Variants in LRP5 observed in about 807,000 individuals in gnomAD.
LRP5 encodes low-density lipoprotein receptor-related protein 5.
Under a neutral mutation model 154.1 loss-of-function variants are expected in LRP5, and 62 were observed. The observed-to-expected ratio is 0.40, with a 90% CI of 0.33 to 0.50. LRP5 has a LOEUF of 0.50. LRP5 is among the 20% of genes least tolerant of loss of function. The pLI is 0.55. For missense variants in LRP5, 1,915 were observed against 2,336.7 expected (o/e 0.82, Z 3.72); for synonymous variants, 966 against 1,011.5 (o/e 0.96, Z 0.85).
chr11:68,365,786 G>C (rs2098630743), intron 5 of LRP5, 84 bp downstream of exon 5: 1 of 1,369,058 alleles, frequency 7.3e-7, no homozygotes, highest in African/African-American at 1.4e-5. Flanking sequence ...TGCCCCAGAA[G>C]GAACCTCGGC....
chr11:68,309,417 A>G (rs1425081785), upstream of LRP5, among the ~76,000 whole-genome samples: 1 of 147,046 alleles, frequency 6.8e-6, no homozygotes, highest in African/African-American at 2.5e-5. Context: ...TATTTTTAGT[A>G]GAAACGGGGG....
chr11:68,346,947 G>A (rs1388222899), intron 1 of LRP5, among the ~76,000 whole-genome samples: 1 of 152,212 alleles, frequency 6.6e-6, no homozygotes, highest in African/African-American at 2.4e-5. Flanking sequence ...ATTTCTCATT[G>A]AGCCCGTTGT....
intron 5 of LRP5, among the ~76,000 whole-genome samples, chr11:68,366,725 A>G (rs554031762): frequency 6.6e-6 from 1 of 151,940 alleles, no homozygotes; most frequent in East Asian, 1.9e-4. Flanking sequence ...GCTGCAGGGG[A>G]TGGTTGGAGA....
intron 12 of LRP5, among the ~76,000 whole-genome samples, chr11:68,414,941 T>TAA (rs979404640): frequency 3.9e-5 from 6 of 152,176 alleles, no homozygotes; most frequent in Non-Finnish European, 8.8e-5. Context: ...GCCATGACCT[T>TAA]AGAGAGCCAA....
At chr11:68,330,157 GAGAT>G (rs2098601928) in intron 1 of LRP5, among the ~76,000 whole-genome samples, 1 of 152,202 alleles carries the variant, frequency 6.6e-6, no homozygotes, top group African/African-American at 2.4e-5. Context: ...GTTTGTGAGA[GAGAT>G]ACATGCCTTC....
At chr11:68,320,552 C>T (rs1369664913) in intron 1 of LRP5, among the ~76,000 whole-genome samples, 1 of 151,552 alleles carries the variant, frequency 6.6e-6, no homozygotes, top group Non-Finnish European at 1.5e-5. Flanking sequence ...ACCTCTGCCT[C>T]CCGGGTTCCA....
intron 2 of LRP5, among the ~76,000 whole-genome samples, chr11:68,354,239 G>C (rs1350970736): frequency 6.6e-6 from 1 of 152,224 alleles, no homozygotes; most frequent in Non-Finnish European, 1.5e-5. Flanking sequence ...AATTTGGCTG[G>C]GCTTGTGGTA....
intron 1 of LRP5, among the ~76,000 whole-genome samples, chr11:68,313,017 C>A (rs1417758369): frequency 2.7e-5 from 4 of 147,950 alleles, no homozygotes; most frequent in African/African-American, 9.8e-5. Flanking sequence ...TCCCCGGGGA[C>A]GCTGCGTCCC....
At chr11:68,439,486 T>C (rs897433365) in intron 20 of LRP5, among the ~76,000 whole-genome samples, 1 of 152,150 alleles carries the variant, frequency 6.6e-6, no homozygotes, top group Admixed American at 6.5e-5. Context: ...AACGCGGCCC[T>C]GTCTGTTCCT....
intron 13 of LRP5, among the ~76,000 whole-genome samples, chr11:68,421,686 C>CTGTGTGTCTGTGTG (rs2098665692): frequency 2.2e-5 from 3 of 133,406 alleles, no homozygotes; most frequent in Admixed American, 1.5e-4. Flanking sequence ...CCCAGCAAGG[C>CTGTGTGTCTGTGTG]TGTGTGTGTG....
At position 68,411,507 on chromosome 11, in the gene LRP5, T is replaced by A. The variant is rs763236037; in HGVS notation, c.2390T>A (p.Met797Lys). 1 of 1,613,784 alleles carries A rather than the reference T, an allele frequency of 6.2e-7. No homozygotes were observed. The highest frequency in any genetic ancestry group is 8.5e-7 in the Non-Finnish European group (1 of 1,180,046). The change falls in exon 11 of 23, where the codon ATG (methionine) becomes AAG (lysine). Residue 797 changes from methionine to lysine, a missense_variant. Met to Lys is a moderately conservative substitution (Grantham distance 95). Coordinates refer to ENST00000294304, the MANE Select transcript of LRP5 (RefSeq NM_002335.4). ...GCCTTCATGGACGGGACCAACTGCA[T>A]GACGCTGGTGGACAAGGTGGGCCGG... ...VRAFMDGTNCMTLVDKVGRAN... is the reference protein window; with the variant it reads ...VRAFMDGTNCKTLVDKVGRAN...
intron 3 of LRP5, among the ~76,000 whole-genome samples, chr11:68,361,295 ACT>A (rs906860555): frequency 1.3e-5 from 2 of 148,166 alleles, no homozygotes; most frequent in African/African-American, 5.0e-5. Flanking sequence ...ACAGAGCGAG[ACT>A]CTGTCTCAAA....
intron 1 of LRP5, among the ~76,000 whole-genome samples, chr11:68,331,019 A>C (rs778941491): frequency 3.3e-5 from 5 of 152,236 alleles, no homozygotes; most frequent in Admixed American, 6.5e-5. Flanking sequence ...CTGAGTGGAA[A>C]TGAAAAAATG....
chr11:68,432,244 C>T (rs895966447), intron 17 of LRP5, among the ~76,000 whole-genome samples: 1 of 152,216 alleles, frequency 6.6e-6, no homozygotes, highest in Non-Finnish European at 1.5e-5. Flanking sequence ...AGAGGCTGCT[C>T]GGTTTCACAA....
chr11:68,409,051 G>GAAAA (rs57069059), intron 9 of LRP5, among the ~76,000 whole-genome samples: 14 of 51,416 alleles, frequency 2.7e-4, no homozygotes, highest in African/African-American at 7.3e-4. Flanking sequence ...CTTATCTGGG[G>GAAAA]AAAAAAAAAA....
In LRP5 at chr11:68,409,226, T is replaced by TATAAAAATATATATTATATAATATATA. The variant is rs1181029984; in HGVS notation, c.2092-682_2092-681insATATATATTATATAATATATAATAAAA. On this transcript the variant is annotated intron_variant, in intron 9 of 22. Coordinates refer to ENST00000294304, the MANE Select transcript of LRP5 (RefSeq NM_002335.4). ...TTATAAGTAAATATATAATATATAA[T>TATAAAAATATATATTATATAATATATA]ATAAAATATATATTATATAATATAT... 7.4e-3 allele frequency among the ~76,000 whole-genome samples: 447 copies of TATAAAAATATATATTATATAATATATA among 60,462 alleles called. 4 individuals are homozygous for TATAAAAATATATATTATATAATATATA. The highest frequency in any genetic ancestry group is 0.013 in the Non-Finnish European group (352 of 26,538). 39.7% of individuals were successfully genotyped at this position (60,462 alleles called of 152,430 possible). A position where few individuals can be genotyped will look rare whatever the true frequency, so the allele number is the denominator to read the frequency against.
intron 5 of LRP5, among the ~76,000 whole-genome samples, chr11:68,373,332 G>A (rs2098635416): frequency 6.6e-6 from 1 of 152,160 alleles, no homozygotes; most frequent in Non-Finnish European, 1.5e-5. Context: ...AAGGGACAGG[G>A]AGCAGCGTTC....
intron 13 of LRP5, among the ~76,000 whole-genome samples, chr11:68,417,338 A>T (rs1370225589): frequency 7.0e-6 from 1 of 143,540 alleles, no homozygotes; most frequent in Non-Finnish European, 1.5e-5. Context: ...TGCCGGCTGT[A>T]GTTTTTTGCA....
Position 68,312,809 on chromosome 11 carries a change from G to T in LRP5, c.91+4G>T. On this transcript the variant is annotated splice_donor_region_variant and intron_variant, in intron 1 of 22. Coordinates refer to ENST00000294304, the MANE Select transcript of LRP5 (RefSeq NM_002335.4). ...GGCTGCCCGGCCCCCGCCGCGGGTAGGTGGGCGCAGGCCGGCCGGGGGCCG... is the reference window on the plus strand; with the variant it reads ...GGCTGCCCGGCCCCCGCCGCGGGTATGTGGGCGCAGGCCGGCCGGGGGCCG... 4 of 1,060,846 alleles carry T rather than the reference G, an allele frequency of 3.8e-6. No individual in the cohort carries two copies. The highest frequency in any genetic ancestry group is 4.6e-6 in the Non-Finnish European group (4 of 877,368). 65.7% of individuals were successfully genotyped at this position (1,060,846 alleles called of 1,614,324 possible). A position where few individuals can be genotyped will look rare whatever the true frequency, so the allele number is the denominator to read the frequency against.
Sources: allele counts gnomAD v4.1 joint callset (sites outside exome capture counted in the v4.1 genomes callset), GRCh38; gene constraint gnomAD v4.1.1; transcripts MANE v1.5; gene names NCBI Gene and HGNC (gene_info 2026-07-23, HGNC 2026-07-21).